NAA11: variants seen among roughly 807,000 people sequenced by gnomAD.
NAA11 encodes the protein N-alpha-acetyltransferase 11.
NAA11 carries 15 observed loss-of-function variants against 16.1 expected under a neutral mutation model. That is an observed-to-expected ratio of 0.93 (90% CI 0.62 to 1.44). The LOEUF (loss-of-function observed/expected upper bound fraction) is 1.44, where lower values mean the gene tolerates loss of function less well. Among genes scored for constraint, NAA11 ranks in the 40% most tolerant of loss-of-function variants. NAA11 has a pLI of 0.00. For missense variants in NAA11, 298 were observed against 291.3 expected, an observed-to-expected ratio of 1.02 and a Z score of -0.17; for synonymous variants, 122 against 112.4, an observed-to-expected ratio of 1.09 and a Z score of -0.54.
downstream of NAA11, among the ~76,000 whole-genome samples, chr4:79,316,212 G>A (rs747335715): frequency 2.0e-5 from 3 of 152,166 alleles, no homozygotes; most frequent in African/African-American, 4.8e-5. Context: ...CCTAGAGACA[G>A]ATGTTAGAAA....
At position 79,246,396 on chromosome 4, in the gene NAA11, AAAAG is replaced by A. The variant is rs1721832285; in HGVS notation, c.*123-20130_*123-20127del. ...AAATACTAAAAAAAAAAAAAAAAAA[AAAAG>A]AAAAAATAAGAATTTGAGCAGTTTT... On this transcript the variant is annotated intron_variant and NMD_transcript_variant, in intron 2 of 2. Transcript: ENST00000511542. 7.5e-4 allele frequency among the ~76,000 whole-genome samples: 90 copies of A among 119,668 alleles called. 2 individuals are homozygous for A. Among genetic ancestry groups the A allele is most frequent in the South Asian group, 1.9e-3 (7 of 3,688 alleles). 78.5% of individuals were successfully genotyped at this position (119,668 alleles called of 152,430 possible).
At chr4:79,283,173 A>G (rs1417849642) in intron 2 of NAA11, among the ~76,000 whole-genome samples, 1 of 152,086 alleles carries the variant, frequency 6.6e-6, no homozygotes, top group Non-Finnish European at 1.5e-5. Flanking sequence ...AGAAAATAGA[A>G]GGTAATGCAA....
chr4:79,183,169 C>T, the NAA11 span, among the ~76,000 whole-genome samples: 1 of 152,096 alleles, frequency 6.6e-6, no homozygotes, highest in Non-Finnish European at 1.5e-5. Context: ...AAATTAACAG[C>T]TGTAAAAGTT....
intron 1 of NAA11, among the ~76,000 whole-genome samples, chr4:79,297,268 G>A (rs1272407208): frequency 6.6e-6 from 1 of 152,328 alleles, no homozygotes; most frequent in East Asian, 1.9e-4. Flanking sequence ...TGCCCTGGGG[G>A]CTACTGTGAT....
intron 2 of NAA11, among the ~76,000 whole-genome samples, chr4:79,256,633 C>CATATATATATATATATAAAT (rs1486193149): frequency 9.1e-6 from 1 of 109,586 alleles, no homozygotes; most frequent in African/African-American, 3.2e-5. Flanking sequence ...TAAAATGAAC[C>CATATATATATATATATAAAT]ATATATATAT....
At chr4:79,236,709 G>A (rs79686037) in intron 2 of NAA11, among the ~76,000 whole-genome samples, 28 of 152,164 alleles carry the variant, frequency 1.8e-4, no homozygotes, top group Non-Finnish European at 3.2e-4. Flanking sequence ...TCCAAGTTTC[G>A]TTATGACGTG....
the NAA11 span, among the ~76,000 whole-genome samples, chr4:79,178,778 A>G: frequency 6.6e-6 from 1 of 152,172 alleles, no homozygotes; most frequent in African/African-American, 2.4e-5. Context: ...GGGATGGTGG[A>G]CTATATACAG....
chr4:79,183,548 A>G, the NAA11 span, among the ~76,000 whole-genome samples: 1 of 152,144 alleles, frequency 6.6e-6, no homozygotes. Context: ...TAAAAAGATG[A>G]ACTCTTGACC....
Position 79,325,163 on chromosome 4 carries a change from GA to G in NAA11, c.*12+12del. 6.4e-7 allele frequency: 1 copy of G among 1,569,242 alleles called. No individual in the cohort carries two copies. The highest frequency in any genetic ancestry group is 1.9e-5 in the Admixed American group (1 of 53,382). On this transcript the variant is annotated intron_variant, in intron 1 of 1. Transcript: ENST00000286794. ...TAGGAGAAGGGGGTACTGGGTCAGG[GA>G]AGACAGAATACCTTAAGCATGCTCT...
chr4:79,209,183 C>T, the NAA11 span, among the ~76,000 whole-genome samples: 2 of 152,036 alleles, frequency 1.3e-5, no homozygotes, highest in Non-Finnish European at 2.9e-5. Context: ...GTCTTAACAG[C>T]ACCAAGTGGC....
At chr4:79,196,347 G>T in the NAA11 span, among the ~76,000 whole-genome samples, 2 of 151,922 alleles carry the variant, frequency 1.3e-5, no homozygotes, top group Non-Finnish European at 2.9e-5. Flanking sequence ...CCATAACACT[G>T]CTAGGCTTTC....
chr4:79,241,431 G>A (rs1228533572), intron 2 of NAA11, among the ~76,000 whole-genome samples: 12 of 152,144 alleles, frequency 7.9e-5, no homozygotes, highest in African/African-American at 2.9e-4. Context: ...TGATTGCATG[G>A]TGGAGGGTTG....
the NAA11 span, among the ~76,000 whole-genome samples, chr4:79,160,127 G>A: frequency 1.3e-5 from 2 of 151,888 alleles, no homozygotes; most frequent in Admixed American, 1.3e-4. Flanking sequence ...AAGTAGCTGG[G>A]ATTACAGGTG....
intron 2 of NAA11, among the ~76,000 whole-genome samples, chr4:79,277,231 A>G (rs1722671033): frequency 1.3e-5 from 2 of 152,032 alleles, no homozygotes; most frequent in Non-Finnish European, 2.9e-5. Flanking sequence ...AGGTAAATGG[A>G]AAGGAATAAT....
At chr4:79,179,739 T>G in the NAA11 span, among the ~76,000 whole-genome samples, 3 of 152,190 alleles carry the variant, frequency 2.0e-5, no homozygotes, top group African/African-American at 7.2e-5. Flanking sequence ...CATTACTATT[T>G]CCCAAGAAAG....
intron 1 of NAA11, among the ~76,000 whole-genome samples, chr4:79,303,066 T>C (rs142847107): frequency 7.8e-6 from 1 of 127,958 alleles, no homozygotes; most frequent in Non-Finnish European, 1.7e-5. Flanking sequence ...TCCTGTTCTC[T>C]TGAGGCCTTT....
intron 2 of NAA11, among the ~76,000 whole-genome samples, chr4:79,249,799 A>G (rs1007219502): frequency 7.2e-5 from 11 of 152,246 alleles, no homozygotes; most frequent in African/African-American, 2.7e-4. Context: ...CTTCTCCAAG[A>G]CACACAGTCA....
the NAA11 span, among the ~76,000 whole-genome samples, chr4:79,164,015 G>T: frequency 1.5e-4 from 23 of 151,906 alleles, no homozygotes; most frequent in East Asian, 4.3e-3. Flanking sequence ...TCTTTTTATC[G>T]CTTTTTATCT....
chr4:79,325,399 C>T lies in NAA11; in HGVS notation c.479G>A (p.Arg160Gln), dbSNP rs868363838. Reference protein sequence around the residue: ...DLSQMADELRRQMDLKKGGYV... With the variant: ...DLSQMADELRQQMDLKKGGYV... ...CCCGCCCTTCTTCAGGTCCATTTGT[C>T]GTCTCAGCTCATCTGCCATCTGCGA... Residue 160 changes from arginine to glutamine, a missense_variant, in exon 1 of 2, where the codon CGA becomes CAA. By Grantham distance (43) the Arg-to-Gln change is conservative (BLOSUM62 1). Coordinates refer to ENST00000286794, the MANE Select transcript of NAA11 (RefSeq NM_032693.3). 9 of 1,614,154 alleles carry T rather than the reference C, an allele frequency of 5.6e-6. No individual in the cohort carries two copies. The highest frequency in any genetic ancestry group is 4.0e-5 in the African/African-American group (3 of 75,036).
Sources: gnomAD v4.1 joint callset for allele counts (sites outside exome capture counted in the v4.1 genomes callset) on GRCh38, gnomAD v4.1.1 for gene constraint, MANE v1.5 for transcripts, NCBI Gene and HGNC (gene_info 2026-07-23, HGNC 2026-07-21) for gene names.